Variants in CNTN4 observed in about 807,000 individuals in gnomAD.
CNTN4 encodes contactin-4.
In CNTN4, 77 loss-of-function variants were observed where a neutral mutation model predicts 122.5. That is an observed-to-expected ratio of 0.63 (90% CI 0.52 to 0.76). CNTN4 has a LOEUF of 0.76. Ranked by LOEUF, CNTN4 falls within the 30% of genes least tolerant of loss-of-function variation. The pLI is 0.00. For synonymous variants in CNTN4, 512 were observed against 447.0 expected (o/e 1.15, Z -1.83); for missense variants, 1,256 against 1,259.1 (o/e 1.00, Z 0.04).
chr3:2,111,147 G>T (rs1036650438), intron 2 of CNTN4, among the ~76,000 whole-genome samples: 1 of 152,026 alleles, frequency 6.6e-6, no homozygotes, highest in Non-Finnish European at 1.5e-5. Flanking sequence ...TTTAAATCCA[G>T]TGGTCAGAAT....
At chr3:2,848,499 T>C (rs2093493437) in intron 7 of CNTN4, among the ~76,000 whole-genome samples, 2 of 152,242 alleles carry the variant, frequency 1.3e-5, no homozygotes, top group South Asian at 4.1e-4. Flanking sequence ...TTCAGTGCTA[T>C]GTCTGTTGTT....
chr3:2,114,862 A>T (rs983194843), intron 2 of CNTN4, among the ~76,000 whole-genome samples: 1 of 152,214 alleles, frequency 6.6e-6, no homozygotes, highest in Non-Finnish European at 1.5e-5. Flanking sequence ...CTTGTGAGTG[A>T]GGTGCATTCC....
intron 2 of CNTN4, among the ~76,000 whole-genome samples, chr3:2,191,828 C>A (rs1336216892): frequency 2.0e-5 from 3 of 152,040 alleles, no homozygotes; most frequent in Non-Finnish European, 2.9e-5. Flanking sequence ...GTGCTGCACC[C>A]ATTAACTTGT....
chr3:2,204,736 G>T (rs1392211069), intron 2 of CNTN4, among the ~76,000 whole-genome samples: 1 of 151,930 alleles, frequency 6.6e-6, no homozygotes. Context: ...TATTCTCAAA[G>T]GATGCAAGGC....
chr3:2,632,119 A>G (rs1263934654), intron 4 of CNTN4, among the ~76,000 whole-genome samples: 1 of 149,794 alleles, frequency 6.7e-6, no homozygotes, highest in Non-Finnish European at 1.5e-5. Context: ...TATATATATA[A>G]ACTTTGTTTA....
intron 4 of CNTN4, among the ~76,000 whole-genome samples, chr3:2,708,740 CA>C (rs2086906063): frequency 3.4e-5 from 1 of 29,564 alleles, no homozygotes. Context: ...CACACACACA[CA>C]CACACACACA....
At chr3:2,136,723 C>G (rs2034710618) in intron 2 of CNTN4, among the ~76,000 whole-genome samples, 1 of 151,746 alleles carries the variant, frequency 6.6e-6, no homozygotes, top group African/African-American at 2.4e-5. Context: ...CAAGGGTATT[C>G]CAGTTGTATA....
In CNTN4 at chr3:2,964,649, A is replaced by G. The variant is rs79294731; in HGVS notation, c.1359-23696A>G. Among the ~76,000 whole-genome samples the G allele has an allele frequency of 5.7e-3, 870 of 152,302 alleles. 2 individuals carry two copies. Among genetic ancestry groups the G allele is most frequent in the South Asian group, 0.018 (88 of 4,816 alleles). On this transcript the variant is annotated intron_variant, in intron 13 of 24. Coordinates refer to ENST00000418658, the MANE Select transcript of CNTN4 (RefSeq NM_175607.3). ...CCTCAAACCAAACTTTAAGTAAGGA[A>G]CTAGATAACCCTGGATAATAATAGC... is the stretch of plus-strand genomic sequence containing the variant.
At chr3:2,349,803 T>C (rs2044538349) in intron 3 of CNTN4, among the ~76,000 whole-genome samples, 1 of 152,302 alleles carries the variant, frequency 6.6e-6, no homozygotes, top group South Asian at 2.1e-4. Context: ...CTAATGGACC[T>C]ATATAACACA....
intron 3 of CNTN4, among the ~76,000 whole-genome samples, chr3:2,442,777 T>C (rs886846959): frequency 6.6e-6 from 1 of 152,180 alleles, no homozygotes; most frequent in Non-Finnish European, 1.5e-5. Context: ...ATCCAGAGGC[T>C]TACTTCTAAA....
intron 4 of CNTN4, among the ~76,000 whole-genome samples, chr3:2,684,934 C>G (rs2085354438): frequency 6.6e-6 from 1 of 152,178 alleles, no homozygotes; most frequent in Non-Finnish European, 1.5e-5. Context: ...AGGCCAGGGC[C>G]TTGTTCAGGG....
chr3:2,651,708 CTT>C (rs528994352), intron 4 of CNTN4, among the ~76,000 whole-genome samples: 4 of 143,000 alleles, frequency 2.8e-5, no homozygotes, highest in Non-Finnish European at 1.5e-5. Context: ...TCTTTTTTTT[CTT>C]TTTTTTTTTT....
intron 14 of CNTN4, among the ~76,000 whole-genome samples, chr3:3,021,148 T>A (rs563781215): frequency 6.6e-6 from 1 of 152,312 alleles, no homozygotes; most frequent in South Asian, 2.1e-4. Context: ...TTATCCCTAT[T>A]AAAGTTTGCC....
intron 8 of CNTN4, among the ~76,000 whole-genome samples, chr3:2,871,580 G>A (rs2093784966): frequency 6.6e-6 from 1 of 151,904 alleles, no homozygotes; most frequent in Admixed American, 6.6e-5. Context: ...AAGATTATTG[G>A]ACCTAATAGG....
chr3:2,745,595 A>T lies in CNTN4; in HGVS notation c.256A>T (p.Ile86Phe), dbSNP rs375898825. ...CAGTGTTGTTGAAGGGAGCTTGTTG[A>T]TCAATAACCCCAATAAAACCCAAGA... ...RYSVVEGSLLINNPNKTQDAG... is the reference protein window; with the variant it reads ...RYSVVEGSLLFNNPNKTQDAG... The change falls in exon 6 of 25, where the codon ATC becomes TTC. Residue 86 changes from isoleucine to phenylalanine, a missense_variant. Ile to Phe is a conservative substitution (Grantham distance 21). Transcript: ENST00000418658. The T allele has an allele frequency of 4.3e-5, 70 of 1,614,036 alleles. No homozygotes were observed. The highest frequency in any genetic ancestry group is 5.9e-5 in the Non-Finnish European group (70 of 1,180,000).
chr3:2,387,514 T>A (rs899659023), intron 3 of CNTN4, among the ~76,000 whole-genome samples: 1 of 145,686 alleles, frequency 6.9e-6, no homozygotes, highest in Non-Finnish European at 1.6e-5. Context: ...TGCAGTTGGC[T>A]TTTTTATTGT....
chr3:2,440,641 T>A (rs1230793726), intron 3 of CNTN4, among the ~76,000 whole-genome samples: 1 of 151,920 alleles, frequency 6.6e-6, no homozygotes, highest in African/African-American at 2.4e-5. Flanking sequence ...CATTCTGAAT[T>A]TTTTAATTTA....
chr3:2,973,543 T>C (rs1693132672), intron 13 of CNTN4, among the ~76,000 whole-genome samples: 1 of 152,054 alleles, frequency 6.6e-6, no homozygotes, highest in Non-Finnish European at 1.5e-5. Flanking sequence ...AAGTAATCTC[T>C]GACCTCTACC....
rs373402290 is a variant in CNTN4 at position 2,340,685 on chromosome 3, T to TTATATATATATATA, written c.-89+1465_-89+1478dup. Among the ~76,000 whole-genome samples the TTATATATATATATA allele has an allele frequency of 1.6e-3, 46 of 29,612 alleles. 2 individuals are homozygous for TTATATATATATATA. Among genetic ancestry groups the TTATATATATATATA allele is most frequent in the African/African-American group, 1.8e-3 (24 of 13,006 alleles). 19.4% of individuals were successfully genotyped at this position (29,612 alleles called of 152,430 possible). A position where few individuals can be genotyped will look rare whatever the true frequency, so the allele number is the denominator to read the frequency against. ...ACAGAGCAAGACCTTGTCATAAATT[T>TTATATATATATATA]TATATATATATATATATATATATAT... On this transcript the variant is annotated intron_variant, in intron 3 of 24. Transcript: ENST00000418658.
Sources: allele counts gnomAD v4.1 joint callset (sites outside exome capture counted in the v4.1 genomes callset), GRCh38; gene constraint gnomAD v4.1.1; transcripts MANE v1.5; gene names NCBI Gene and HGNC (gene_info 2026-07-23, HGNC 2026-07-21).